Variants in SNRPD2 observed in about 807,000 individuals in gnomAD.
The protein encoded by SNRPD2 is small nuclear ribonucleoprotein D2 polypeptide, also known as small nuclear ribonucleoprotein Sm D2.
Under a neutral mutation model 11.5 loss-of-function variants are expected in SNRPD2, and 1 was observed. The ratio of observed to expected loss-of-function variants is 0.09; its 90% CI spans 0.03 to 0.41. The LOEUF is 0.41. Among genes scored for constraint, SNRPD2 ranks in the 10% least tolerant of loss-of-function variants. The pLI, the probability that SNRPD2 is intolerant of heterozygous loss-of-function variation, is 0.98. For synonymous variants in SNRPD2, 63 were observed against 61.5 expected (o/e 1.02, Z -0.12); for missense variants, 77 against 154.9 (o/e 0.50, Z 2.67).
chr19:45,688,261 G>T lies in SNRPD2; in HGVS notation c.182+126C>A. 1.3e-6 allele frequency: 1 copy of T among 767,406 alleles called. No individual in the cohort carries two copies. The highest frequency in any genetic ancestry group is 2.1e-6 in the Non-Finnish European group (1 of 466,378). The allele number at this position is 767,406 out of a possible 1,614,324, so 47.5% of individuals were successfully genotyped here. ...CCTTCCCAAAGTGCTGGGATTACAGGCATGAGCCACCACGCCTGGCCATAC... is the reference window on the plus strand; with the variant it reads ...CCTTCCCAAAGTGCTGGGATTACAGTCATGAGCCACCACGCCTGGCCATAC... On this transcript the variant is annotated intron_variant, in intron 2 of 2. Transcript: ENST00000342669. The surrounding 1 kb of genome is among the most constrained non-coding windows in gnomAD (Gnocchi z 4.1).
rs565506173 is a variant in SNRPD2, at chr19:45,688,999, C to T, written c.3-433G>A. On this transcript the variant is annotated intron_variant, in intron 1 of 2. Transcript: ENST00000342669. This position sits in a 1 kb window ranked among gnomAD's most constrained non-coding sequence, Gnocchi z 4.1. ...CCACCCGCCTCGACCTCCCAAAGTG[C>T]TGAGATTATAGGCGTGAGCCACCGT... is the stretch of plus-strand genomic sequence containing the variant. 2.0e-5 allele frequency among the ~76,000 whole-genome samples: 3 copies of T among 152,288 alleles called. No homozygotes were observed. The highest frequency in any genetic ancestry group is 3.9e-4 in the East Asian group (2 of 5,182).
In SNRPD2 at chr19:45,687,747, G is replaced by T. The variant is rs1188457030; in HGVS notation, c.183-20C>A. 2 of 1,607,520 alleles carry T rather than the reference G, an allele frequency of 1.2e-6. No homozygotes were observed. The highest frequency in any genetic ancestry group is 1.7e-6 in the Non-Finnish European group (2 of 1,175,688). On this transcript the variant is annotated intron_variant, in intron 2 of 2. Transcript: ENST00000342669. The surrounding 1 kb of genome is among the most constrained non-coding windows in gnomAD (Gnocchi z 4.1). ...CAGTGCCTGGTGGGGAACAGGGAGG[G>T]GAGGCACTGGGCGTGAGGGGCGTGC...
intron 1 of SNRPD2, chr19:45,690,635 C>T (rs1967516494): frequency 6.6e-6 from 1 of 151,654 alleles, no homozygotes; most frequent in Non-Finnish European, 1.5e-5. Flanking sequence ...AGTTTGAGAC[C>T]AGCTTGGCCA....
chr19:45,691,468 T>G (rs2146118877), intron 1 of SNRPD2: 1 of 166,850 alleles, frequency 6.0e-6, no homozygotes, highest in South Asian at 1.3e-4. Context: ...CCCTTAACAT[T>G]CATTTCAATA....
chr19:45,690,080 C>T (rs1967498576), intron 1 of SNRPD2, among the ~76,000 whole-genome samples: 1 of 151,194 alleles, frequency 6.6e-6, no homozygotes, highest in African/African-American at 2.4e-5. Context: ...GCCTGTAATC[C>T]CAGCACTTTG....
intron 1 of SNRPD2, 186 bp downstream of exon 1, chr19:45,691,701 T>C: frequency 4.0e-6 from 3 of 746,690 alleles, no homozygotes; most frequent in Non-Finnish European, 7.1e-6. Flanking sequence ...CTGTCCCCTC[T>C]CCCGAAGTCA....
chr19:45,691,850 A>G, intron 1 of SNRPD2, 37 bp downstream of exon 1: 1 of 1,613,272 alleles, frequency 6.2e-7, no homozygotes, highest in South Asian at 1.1e-5. Context: ...TCCACCCTCA[A>G]CCTCATTCCC....
Position 45,688,096 on chromosome 19 carries a change from T to C in SNRPD2, c.182+291A>G, listed in dbSNP as rs553730735. Among the ~76,000 whole-genome samples the C allele has an allele frequency of 8.4e-4, 128 of 152,254 alleles. No homozygotes were observed. Among genetic ancestry groups the C allele is most frequent in the African/African-American group, 2.9e-3 (119 of 41,548 alleles). On this transcript the variant is annotated intron_variant, in intron 2 of 2. Transcript: ENST00000342669. The surrounding 1 kb of genome is among the most constrained non-coding windows in gnomAD (Gnocchi z 4.1). ...CCGCCTCCTGGGTTCAGGCTATTCTTGTGCCTCGGCCACCTGAGTAGCTGT... is the reference window on the plus strand; with the variant it reads ...CCGCCTCCTGGGTTCAGGCTATTCTCGTGCCTCGGCCACCTGAGTAGCTGT...
chr19:45,687,571 C>T lies in SNRPD2; in HGVS notation c.339G>A (p.Pro113=), dbSNP rs773366102. 13 of 1,614,120 alleles carry T rather than the reference C, an allele frequency of 8.1e-6. No individual in the cohort carries two copies. Among genetic ancestry groups the T allele is most frequent in the East Asian group, 2.2e-5 (1 of 44,884 alleles). Residue 113 remains proline, a synonymous_variant, in exon 3 of 3, where the codon CCG becomes CCA. Transcript: ENST00000342669. The surrounding 1 kb of genome is among the most constrained non-coding windows in gnomAD (Gnocchi z 4.1). Reference sequence around the variant, plus strand: ...GCGGCCCCTACTTGCCGGCGATGAGCGGGTTCCGCAGGACCACGATGACTG... The same window carrying T: ...GCGGCCCCTACTTGCCGGCGATGAGTGGGTTCCGCAGGACCACGATGACTG... ...GDSVIVVLRN[P]LIAGK is the part of the protein sequence containing the mutation.
intron 1 of SNRPD2, chr19:45,689,151 G>A: frequency 3.9e-6 from 2 of 517,262 alleles, no homozygotes; most frequent in Admixed American, 2.0e-5. Flanking sequence ...CTAGTTCTCT[G>A]GGCAAAAACT....
At chr19:45,690,194 G>C (rs1300079682) in intron 1 of SNRPD2, among the ~76,000 whole-genome samples, 3 of 150,992 alleles carry the variant, frequency 2.0e-5, no homozygotes, top group Admixed American at 6.6e-5. Context: ...AGCCGGGCGA[G>C]GTGGCGGGCG....
upstream of SNRPD2, chr19:45,692,028 T>G: frequency 6.3e-7 from 1 of 1,597,196 alleles, no homozygotes; most frequent in Non-Finnish European, 8.5e-7. Context: ...AGGCGTGGCC[T>G]GTTGCCACAG....
In SNRPD2 at chr19:45,687,508, C is replaced by A. The variant is rs763892334; in HGVS notation, c.*45G>T. On this transcript the variant is annotated 3_prime_UTR_variant, in exon 3 of 3. Transcript: ENST00000342669. This position sits in a 1 kb window ranked among gnomAD's most constrained non-coding sequence, Gnocchi z 4.1. ...TATTCTCAACACCAATGGCAGCGGT[C>A]TTCATAGGACAGAGGAGTGAGTTCT... 6.4e-7 allele frequency: 1 copy of A among 1,569,030 alleles called. No individual in the cohort carries two copies. Among genetic ancestry groups the A allele is most frequent in the Non-Finnish European group, 8.8e-7 (1 of 1,142,504 alleles).
upstream of SNRPD2, chr19:45,692,048 C>CA: frequency 6.3e-7 from 1 of 1,577,506 alleles, no homozygotes; most frequent in Non-Finnish European, 8.6e-7. Flanking sequence ...GCATTCCCCA[C>CA]CAACGGTGCA....
intron 1 of SNRPD2, among the ~76,000 whole-genome samples, chr19:45,689,082 C>T (rs576507806): frequency 6.6e-6 from 1 of 150,532 alleles, no homozygotes; most frequent in East Asian, 1.9e-4. Context: ...ATCACCCAAC[C>T]ACCCAAGCCT....
intron 1 of SNRPD2, chr19:45,691,596 T>C: frequency 2.4e-6 from 1 of 415,562 alleles, no homozygotes; most frequent in East Asian, 3.9e-5. Context: ...AGTCTCGAAC[T>C]CCTGTGTTCC....
Position 45,687,833 on chromosome 19 carries a change from G to T in SNRPD2, c.183-106C>A. ...CCTCCAGCAGCATGGCTTGGGGAAG[G>T]GTGCAGGTGCTAGGCCGGGATGACC... On this transcript the variant is annotated intron_variant, in intron 2 of 2. Coordinates refer to ENST00000342669, the MANE Select transcript of SNRPD2 (RefSeq NM_001384647.1). This position sits in a 1 kb window ranked among gnomAD's most constrained non-coding sequence, Gnocchi z 4.1. 2 of 922,612 alleles carry T rather than the reference G, an allele frequency of 2.2e-6. No individual in the cohort carries two copies. Among genetic ancestry groups the T allele is most frequent in the Non-Finnish European group, 1.7e-6 (1 of 591,268 alleles). 57.2% of individuals were successfully genotyped at this position (922,612 alleles called of 1,614,324 possible). A position where few individuals can be genotyped will look rare whatever the true frequency, so the allele number is the denominator to read the frequency against.
intron 1 of SNRPD2, chr19:45,691,524 T>C (rs1967550299): frequency 4.1e-6 from 1 of 243,964 alleles, no homozygotes; most frequent in South Asian, 6.3e-5. Flanking sequence ...AAAACATGTT[T>C]TTCATAATTA....
chr19:45,692,199 G>A, upstream of SNRPD2: 1 of 482,278 alleles, frequency 2.1e-6, no homozygotes, highest in Non-Finnish European at 3.6e-6. Flanking sequence ...TTGAAGGAGG[G>A]AAATGACAAG....
Sources: allele counts gnomAD v4.1 joint callset (sites outside exome capture counted in the v4.1 genomes callset), GRCh38; gene constraint gnomAD v4.1.1; non-coding constraint Gnocchi (gnomAD v3.1); transcripts MANE v1.5; gene names NCBI Gene and HGNC (gene_info 2026-07-23, HGNC 2026-07-21).